ZNF445: variants seen among roughly 807,000 people sequenced by gnomAD.
ZNF445 encodes the protein zinc finger protein 168.
A neutral mutation model predicts 93.9 loss-of-function variants in ZNF445; 19 were observed. That is an observed-to-expected ratio of 0.20 (90% CI 0.14 to 0.30). The LOEUF (loss-of-function observed/expected upper bound fraction) is 0.30. ZNF445 is among the 10% of genes least tolerant of loss of function. The probability of loss-of-function intolerance (pLI) is 1.00; values close to 1 mark genes in which losing one functional copy is unlikely to be tolerated. For synonymous variants in ZNF445, 449 were observed against 446.3 expected (o/e 1.01, Z -0.08); for missense variants, 1,058 against 1,259.4 (o/e 0.84, Z 2.42).
chr3:44,459,475 C>T (rs1698077247), intron 1 of ZNF445, among the ~76,000 whole-genome samples: 1 of 152,116 alleles, frequency 6.6e-6, no homozygotes, highest in Non-Finnish European at 1.5e-5. Flanking sequence ...AAAATCCCAA[C>T]CAAATTCCAC....
At chr3:44,458,935 T>C (rs1698068953) in intron 1 of ZNF445, among the ~76,000 whole-genome samples, 1 of 152,202 alleles carries the variant, frequency 6.6e-6, no homozygotes, top group Admixed American at 6.5e-5. Context: ...CTCAGTCTAT[T>C]AATATGAGAT....
rs1349540957 is a variant in ZNF445 at position 44,444,380 on chromosome 3, C to G, written c.*2195G>C. On this transcript the variant is annotated 3_prime_UTR_variant, in exon 8 of 8. Transcript: ENST00000396077. ...GCCCTCTTTCACCAATCTCAGGAAT[C>G]AGGTAGCACAGCCAAGCACTCTAAC... The G allele has an allele frequency of 6.6e-6, 1 of 152,220 alleles. No homozygotes were observed. The highest frequency in any genetic ancestry group is 1.5e-5 in the Non-Finnish European group (1 of 68,064). 9.4% of individuals were successfully genotyped at this position (152,220 alleles called of 1,614,324 possible). A position where few individuals can be genotyped will look rare whatever the true frequency, so the allele number is the denominator to read the frequency against.
intron 1 of ZNF445, among the ~76,000 whole-genome samples, chr3:44,465,716 C>T (rs1698183195): frequency 6.6e-6 from 1 of 152,134 alleles, no homozygotes; most frequent in Non-Finnish European, 1.5e-5. Context: ...AGTTCAAGGC[C>T]AGCCTGGCCA....
At chr3:44,472,626 A>C (rs1187201995) in intron 1 of ZNF445, among the ~76,000 whole-genome samples, 1 of 152,230 alleles carries the variant, frequency 6.6e-6, no homozygotes, top group African/African-American at 2.4e-5. Context: ...CAGCCTCTGC[A>C]ATCATGAACA....
At chr3:44,475,716 G>A (rs1698339157) in intron 1 of ZNF445, among the ~76,000 whole-genome samples, 1 of 152,122 alleles carries the variant, frequency 6.6e-6, no homozygotes. Context: ...TATAAAACAA[G>A]AGGCGGGCAC....
At position 44,447,869 on chromosome 3, in the gene ZNF445, T is replaced by C. The variant is rs1204531363; in HGVS notation, c.1802A>G (p.Gln601Arg). ...CTTACAGTGGAAGGATTTCCTGCAC[T>C]GGCTGCAGTCAAAGAGTTTCTCCCC... Reference protein sequence around the residue: ...QSGEKLFDCSQCRKSFHCKSY... With the variant: ...QSGEKLFDCSRCRKSFHCKSY... The change falls in exon 8 of 8, where the codon CAG becomes CGG. Residue 601 changes from glutamine to arginine, a missense_variant. By Grantham distance (43) the Gln-to-Arg change is conservative. Coordinates refer to ENST00000396077, the MANE Select transcript of ZNF445 (RefSeq NM_181489.6). This position sits in a 1 kb window ranked among gnomAD's most constrained non-coding sequence, Gnocchi z 4.7. The C allele has an allele frequency of 1.2e-6, 2 of 1,614,162 alleles. No homozygotes were observed. The highest frequency in any genetic ancestry group is 2.2e-5 in the East Asian group (1 of 44,890).
intron 1 of ZNF445, among the ~76,000 whole-genome samples, chr3:44,459,055 G>A (rs1698070837): frequency 1.3e-5 from 2 of 152,152 alleles, no homozygotes; most frequent in Admixed American, 1.3e-4. Flanking sequence ...GAGAGCTATG[G>A]ACAACTGCAC....
At chr3:44,462,333 G>A (rs1258877871) in intron 1 of ZNF445, among the ~76,000 whole-genome samples, 2 of 152,224 alleles carry the variant, frequency 1.3e-5, no homozygotes, top group East Asian at 1.9e-4. Context: ...CTTGGTTTCC[G>A]CCATCCAGAG....
intron 1 of ZNF445, among the ~76,000 whole-genome samples, chr3:44,470,967 G>A (rs1698261139): frequency 6.6e-6 from 1 of 151,448 alleles, no homozygotes; most frequent in Non-Finnish European, 1.5e-5. Flanking sequence ...AACAAGAAGA[G>A]CAAAATGCTA....
At chr3:44,474,158 AG>A (rs1698310276) in intron 1 of ZNF445, among the ~76,000 whole-genome samples, 1 of 152,236 alleles carries the variant, frequency 6.6e-6, no homozygotes, top group African/African-American at 2.4e-5. Context: ...AAAGACAGTA[AG>A]GTTCCAGTGG....
At chr3:44,475,141 C>G (rs1337927361) in intron 1 of ZNF445, among the ~76,000 whole-genome samples, 1 of 152,000 alleles carries the variant, frequency 6.6e-6, no homozygotes, top group African/African-American at 2.4e-5. Flanking sequence ...TTGAGAAGTT[C>G]CAGTCATTCA....
chr3:44,474,483 C>A (rs1294407913), intron 1 of ZNF445, among the ~76,000 whole-genome samples: 1 of 152,130 alleles, frequency 6.6e-6, no homozygotes, highest in Non-Finnish European at 1.5e-5. Context: ...CATTGCACTC[C>A]AGCCAGTGCA....
chr3:44,440,148 C>T lies in ZNF445; in HGVS notation c.*6427G>A, dbSNP rs1333201191. 3 of 152,188 alleles carry T rather than the reference C, an allele frequency of 2.0e-5. No individual in the cohort carries two copies. Among genetic ancestry groups the T allele is most frequent in the African/African-American group, 4.8e-5 (2 of 41,444 alleles). 9.4% of individuals were successfully genotyped at this position (152,188 alleles called of 1,614,324 possible). On this transcript the variant is annotated 3_prime_UTR_variant, in exon 8 of 8. Coordinates refer to ENST00000396077, the MANE Select transcript of ZNF445 (RefSeq NM_181489.6). The stretch of plus-strand genomic sequence containing the variant: ...CATTTTCTTCTTGCCTTTTTAGCTA[C>T]TTAAATATAGTACACTTCTTTATAA...
chr3:44,453,248 C>T (rs1463212528), intron 3 of ZNF445, among the ~76,000 whole-genome samples: 1 of 151,232 alleles, frequency 6.6e-6, no homozygotes, highest in East Asian at 2.0e-4. Context: ...TGTGCAGAAT[C>T]ATATATATAT....
intron 1 of ZNF445, among the ~76,000 whole-genome samples, chr3:44,474,492 C>T (rs1042872249): frequency 6.6e-5 from 10 of 152,070 alleles, no homozygotes; most frequent in African/African-American, 2.4e-4. Context: ...CCAGCCAGTG[C>T]AACAAGAGCA....
intron 1 of ZNF445, among the ~76,000 whole-genome samples, chr3:44,472,219 T>C (rs1398831192): frequency 1.3e-5 from 2 of 152,086 alleles, no homozygotes; most frequent in African/African-American, 2.4e-5. Flanking sequence ...CAGTGAAAAA[T>C]ATAAATGGCA....
intron 2 of ZNF445, among the ~76,000 whole-genome samples, chr3:44,456,184 G>C (rs1575312098): frequency 6.6e-6 from 1 of 152,166 alleles, no homozygotes; most frequent in Non-Finnish European, 1.5e-5. Context: ...GGAAAGCGGA[G>C]GTGGGAGGAT....
At position 44,441,532 on chromosome 3, in the gene ZNF445, C is replaced by T. The variant is rs1697810911; in HGVS notation, c.*5043G>A. ...TCTGGTTCAAACGCCTCTGACACTC[C>T]CAATTTTTGCAGGTGAGGAAATGGA... On this transcript the variant is annotated 3_prime_UTR_variant, in exon 8 of 8. Transcript: ENST00000396077. 1 of 152,134 alleles carries T rather than the reference C, an allele frequency of 6.6e-6. No individual in the cohort carries two copies. The highest frequency in any genetic ancestry group is 2.4e-5 in the African/African-American group (1 of 41,416). 9.4% of individuals were successfully genotyped at this position (152,134 alleles called of 1,614,324 possible).
At chr3:44,461,817 T>C (rs1008060471) in intron 1 of ZNF445, among the ~76,000 whole-genome samples, 1 of 152,250 alleles carries the variant, frequency 6.6e-6, no homozygotes, top group African/African-American at 2.4e-5. Context: ...ATATTGCCTA[T>C]GTTTCATAAA....
Sources: allele counts gnomAD v4.1 joint callset (sites outside exome capture counted in the v4.1 genomes callset), GRCh38; gene constraint gnomAD v4.1.1; non-coding constraint Gnocchi (gnomAD v3.1); transcripts MANE v1.5; gene names NCBI Gene and HGNC (gene_info 2026-07-23, HGNC 2026-07-21).